SEMA3E: variants seen among roughly 807,000 people sequenced by gnomAD.
The protein encoded by SEMA3E is semaphorin 3E.
A neutral mutation model predicts 93.6 loss-of-function variants in SEMA3E; 49 were observed. The ratio of observed to expected loss-of-function variants is 0.52; its 90% confidence interval spans 0.42 to 0.66. The LOEUF is 0.66. Among genes scored for constraint, SEMA3E ranks in the 30% least tolerant of loss-of-function variants. The pLI is 0.00. For missense variants in SEMA3E, 906 were observed against 964.8 expected (o/e 0.94, Z 0.81); for synonymous variants, 363 against 330.7 (o/e 1.10, Z -1.06).
intron 15 of SEMA3E, among the ~76,000 whole-genome samples, chr7:83,385,970 A>G (rs1787871349): frequency 6.6e-6 from 1 of 152,152 alleles, no homozygotes; most frequent in Admixed American, 6.6e-5. Flanking sequence ...TGTGTCTTGG[A>G]CCAGAAAGGC....
chr7:83,601,432 C>CTT (rs113566090), intron 1 of SEMA3E, among the ~76,000 whole-genome samples: 6,771 of 148,178 alleles, frequency 0.046, 392 homozygotes, highest in African/African-American at 0.14. Context: ...ATTACTTACT[C>CTT]TTTTTTTTTT....
At chr7:83,514,818 T>A (rs147951203) in intron 1 of SEMA3E, among the ~76,000 whole-genome samples, 1 of 152,260 alleles carries the variant, frequency 6.6e-6, no homozygotes, top group African/African-American at 2.4e-5. Flanking sequence ...TGCTTTCACC[T>A]GCATCCATCA....
intron 1 of SEMA3E, among the ~76,000 whole-genome samples, chr7:83,607,273 A>G (rs1793144172): frequency 6.6e-6 from 1 of 152,220 alleles, no homozygotes; most frequent in Non-Finnish European, 1.5e-5. Context: ...AACTTGATTG[A>G]CTTTCTCTTT....
At chr7:83,405,835 T>G in intron 8 of SEMA3E, 110 bp downstream of exon 8, 1 of 867,442 alleles carries the variant, frequency 1.2e-6, no homozygotes, top group Non-Finnish European at 1.9e-6. Flanking sequence ...TTGCTCTATG[T>G]TAGATAGAGG....
chr7:83,494,377 A>C (rs986437676), intron 1 of SEMA3E, among the ~76,000 whole-genome samples: 2 of 151,852 alleles, frequency 1.3e-5, no homozygotes, highest in African/African-American at 4.8e-5. Context: ...AGGTATACCG[A>C]AAAATACTAT....
intron 1 of SEMA3E, chr7:83,641,377 C>G: frequency 1.0e-6 from 1 of 985,386 alleles, no homozygotes. Context: ...CTTTCACTTT[C>G]CAAGTAAACA....
intron 1 of SEMA3E, among the ~76,000 whole-genome samples, chr7:83,534,772 C>T (rs2115739272): frequency 6.6e-6 from 1 of 152,268 alleles, no homozygotes; most frequent in South Asian, 2.1e-4. Flanking sequence ...AGTGACTGGT[C>T]CACAAAGCCT....
At chr7:83,419,986 T>C in intron 4 of SEMA3E, among the ~76,000 whole-genome samples, 1 of 152,070 alleles carries the variant, frequency 6.6e-6, no homozygotes, top group Non-Finnish European at 1.5e-5. Context: ...GGCATCAAAA[T>C]AGAAAAAGAA....
At chr7:83,372,993 A>G (rs1363480173) in intron 16 of SEMA3E, 3 of 152,170 alleles carry the variant, frequency 2.0e-5, no homozygotes, top group African/African-American at 4.8e-5. Context: ...CTACGTCTGC[A>G]GACCAGATTT....
chr7:83,638,563 CTTTATA>C (rs566574423), intron 1 of SEMA3E, among the ~76,000 whole-genome samples: 70 of 152,084 alleles, frequency 4.6e-4, no homozygotes, highest in Non-Finnish European at 9.1e-4. Context: ...AATAGGCACA[CTTTATA>C]TTTAATACAA....
chr7:83,514,719 A>T (rs1170065309), intron 1 of SEMA3E, among the ~76,000 whole-genome samples: 2 of 152,134 alleles, frequency 1.3e-5, no homozygotes, highest in Non-Finnish European at 2.9e-5. Context: ...TTCTTATTCT[A>T]AAGGGGAAAA....
chr7:83,408,588 T>C (rs1225287646), intron 5 of SEMA3E, 101 bp from the exon 6 acceptor site: 1 of 1,260,808 alleles, frequency 7.9e-7, no homozygotes, highest in Non-Finnish European at 1.1e-6. Flanking sequence ...ATGTACTTTA[T>C]GACATTAATA....
chr7:83,635,384 C>T (rs1330670341), intron 1 of SEMA3E, among the ~76,000 whole-genome samples: 1 of 151,338 alleles, frequency 6.6e-6, no homozygotes, highest in Non-Finnish European at 1.5e-5. Flanking sequence ...TATAGATTAT[C>T]TTTAGTTTCT....
chr7:83,462,246 C>G (rs1166447309), intron 4 of SEMA3E: 1 of 152,208 alleles, frequency 6.6e-6, no homozygotes, highest in Non-Finnish European at 1.5e-5. Flanking sequence ...ATGGAGGCTA[C>G]CCACTCCACA....
intron 1 of SEMA3E, among the ~76,000 whole-genome samples, chr7:83,629,716 T>C (rs1438533130): frequency 6.6e-6 from 1 of 152,108 alleles, no homozygotes; most frequent in African/African-American, 2.4e-5. Context: ...GTGTCTTAGC[T>C]TGTTGGGCTC....
rs1157801830 is a variant in SEMA3E at position 83,454,257 on chromosome 7, C to CAAAA, written c.456+12221_456+12224dup. On this transcript the variant is annotated intron_variant, in intron 4 of 16. Coordinates refer to ENST00000643230, the MANE Select transcript of SEMA3E (RefSeq NM_012431.3). Reference sequence around the variant, plus strand: ...TGGGCGACAGAGCAAGACTCCGACTCAAAAAAAAAAAAAAAATATATATAT... The same window carrying CAAAA: ...TGGGCGACAGAGCAAGACTCCGACTCAAAAAAAAAAAAAAAAAAAATATATATAT... Among the ~76,000 whole-genome samples, 58 of 44,926 alleles carry CAAAA rather than the reference C, an allele frequency of 1.3e-3. 1 individual carries two copies. Among genetic ancestry groups the CAAAA allele is most frequent in the African/African-American group, 3.2e-3 (40 of 12,450 alleles). 29.5% of individuals were successfully genotyped at this position (44,926 alleles called of 152,430 possible).
intron 1 of SEMA3E, among the ~76,000 whole-genome samples, chr7:83,621,071 G>A (rs1793547139): frequency 6.6e-6 from 1 of 152,016 alleles, no homozygotes; most frequent in African/African-American, 2.4e-5. Context: ...TTTTGCAGAT[G>A]ACATGATTCT....
intron 4 of SEMA3E, among the ~76,000 whole-genome samples, chr7:83,460,186 T>C (rs1320600784): frequency 2.0e-5 from 3 of 152,172 alleles, no homozygotes; most frequent in Non-Finnish European, 4.4e-5. Flanking sequence ...TCCTGTTCTT[T>C]GCTCCATGAG....
chr7:83,585,475 C>G (rs563718719), intron 1 of SEMA3E, among the ~76,000 whole-genome samples: 1 of 152,066 alleles, frequency 6.6e-6, no homozygotes, highest in South Asian at 2.1e-4. Context: ...GCCGTTTATG[C>G]CAGAATGTGG....
Sources: allele counts gnomAD v4.1 joint callset (sites outside exome capture counted in the v4.1 genomes callset), GRCh38; gene constraint gnomAD v4.1.1; transcripts MANE v1.5; gene names NCBI Gene and HGNC (gene_info 2026-07-23, HGNC 2026-07-21).